The following RYR2 variants were observed in gnomAD, a reference collection of about 807,000 sequenced individuals.
RYR2 encodes ryanodine receptor 2.
A neutral mutation model predicts 601.1 loss-of-function variants in RYR2; 227 were observed. The ratio of observed to expected loss-of-function variants is 0.38; its 90% confidence interval spans 0.34 to 0.42. RYR2 has a LOEUF of 0.42. RYR2 is among the 10% of genes least tolerant of loss of function. RYR2 has a pLI of 1.00. For synonymous variants in RYR2, 2,223 were observed against 2,175.1 expected (o/e 1.02, Z -0.61); for missense variants, 4,646 against 6,156.5 (o/e 0.75, Z 8.21).
intron 27 of RYR2, among the ~76,000 whole-genome samples, chr1:237,551,871 G>A (rs1371559190): frequency 1.1e-4 from 17 of 151,942 alleles, no homozygotes; most frequent in Admixed American, 7.9e-4. Flanking sequence ...CTTGTATTAC[G>A]CTCATTTTAC....
At chr1:237,154,745 A>G (rs867947706) in intron 1 of RYR2, among the ~76,000 whole-genome samples, 5 of 152,340 alleles carry the variant, frequency 3.3e-5, no homozygotes, top group Middle Eastern at 3.4e-3. Flanking sequence ...AGACTTCATT[A>G]TATATAATAT....
At chr1:237,197,126 C>G (rs577927191) in intron 1 of RYR2, among the ~76,000 whole-genome samples, 15 of 152,026 alleles carry the variant, frequency 9.9e-5, no homozygotes, top group Non-Finnish European at 2.1e-4. Flanking sequence ...ATTTAGCTAC[C>G]TTGCTGAATT....
intron 10 of RYR2, among the ~76,000 whole-genome samples, chr1:237,407,122 A>G (rs1015351880): frequency 9.2e-5 from 14 of 152,180 alleles, no homozygotes; most frequent in Non-Finnish European, 1.8e-4. Context: ...TCACTTAGCA[A>G]TCTGCATATA....
chr1:237,444,573 G>C (rs1708170252), intron 13 of RYR2, among the ~76,000 whole-genome samples: 1 of 152,132 alleles, frequency 6.6e-6, no homozygotes, highest in Non-Finnish European at 1.5e-5. Context: ...CTTATATATA[G>C]TACACAACTG....
chr1:237,355,041 G>A (rs761636751), intron 3 of RYR2, among the ~76,000 whole-genome samples: 4 of 152,080 alleles, frequency 2.6e-5, no homozygotes, highest in African/African-American at 9.7e-5. Flanking sequence ...GAGCATTGGA[G>A]ATTCCTAGCT....
chr1:237,316,377 C>T (rs1257919861), intron 2 of RYR2, among the ~76,000 whole-genome samples: 1 of 152,138 alleles, frequency 6.6e-6, no homozygotes, highest in Non-Finnish European at 1.5e-5. Context: ...TGTTACGATA[C>T]AGAAAACTCA....
chr1:237,703,620 A>C (rs890240001), intron 66 of RYR2, among the ~76,000 whole-genome samples: 6 of 148,124 alleles, frequency 4.1e-5, no homozygotes, highest in Admixed American at 1.4e-4. Context: ...TATATATATA[A>C]AATATATAAA....
Position 237,723,163 on chromosome 1 carries a change from T to C in RYR2, c.10590T>C (p.Leu3530=). 6.2e-7 allele frequency: 1 copy of C among 1,612,464 alleles called. No individual in the cohort carries two copies. ...EDPAIRWQMA[L]YKDLPNRTDD... is the part of the protein sequence containing the mutation. Reference sequence around the variant, plus strand: ...CTGCTATTAGATGGCAAATGGCTCTTTACAAAGACTTACCAAACAGGACTG... The same window carrying C: ...CTGCTATTAGATGGCAAATGGCTCTCTACAAAGACTTACCAAACAGGACTG... The change falls in exon 74 of 105, where the codon CTT becomes CTC. Residue 3530 remains leucine (L), a synonymous_variant. Transcript: ENST00000366574.
In RYR2 at chr1:237,066,353, AAT is replaced by A. The variant is rs1324225099; in HGVS notation, c.48+23787_48+23788del. On this transcript the variant is annotated intron_variant, in intron 1 of 104. Transcript: ENST00000366574. ...TGTTTCTTTGGGATAAATGCCCAGG[AAT>A]ATGTTTTGTTGGTTGTAAGTTATGT... Among the ~76,000 whole-genome samples, 4 of 152,204 alleles carry A rather than the reference AAT, an allele frequency of 2.6e-5. No individual in the cohort carries two copies. In the East Asian group the frequency reaches 7.7e-4, roughly 29 times the overall value.
In RYR2 at chr1:237,730,289, G is replaced by T. The variant is rs1315764018; in HGVS notation, c.10868G>T (p.Gly3623Val). The T allele has an allele frequency of 6.2e-7, 1 of 1,607,496 alleles. No homozygotes were observed. ...RHRAVNLFLQ[G>V]YEKSWIETEE... ...CGGGCTGTCAATCTCTTTCTTCAGG[G>T]ATATGAAAAGTCTTGGATTGAAACA... Residue 3623 changes from glycine to valine, a missense_variant, in exon 77 of 105, where the codon GGA becomes GTA. Transcript: ENST00000366574.
chr1:237,304,943 T>C (rs1693727860), intron 2 of RYR2, among the ~76,000 whole-genome samples: 1 of 152,178 alleles, frequency 6.6e-6, no homozygotes, highest in African/African-American at 2.4e-5. Flanking sequence ...CAGATGATCA[T>C]TTATAATATG....
At chr1:237,503,194 C>A in intron 21 of RYR2, 95 bp from the exon 22 acceptor site, 1 of 1,129,832 alleles carries the variant, frequency 8.9e-7, no homozygotes, top group Non-Finnish European at 1.3e-6. Flanking sequence ...TGATAAAATA[C>A]TTTTGTACTA....
At chr1:237,397,099 C>T (rs12734448) in intron 10 of RYR2, among the ~76,000 whole-genome samples, 123,166 of 151,986 alleles carry the variant, frequency 0.81, 50,570 homozygotes, top group East Asian at 0.99. Flanking sequence ...ACCCTGTCTC[C>T]ATTAAAAAAT....
rs1392074549 is a variant in RYR2, at chr1:237,819,008, A to C, written c.14434-28A>C. On this transcript the variant is annotated intron_variant, in intron 100 of 104. Coordinates refer to ENST00000366574, the MANE Select transcript of RYR2 (RefSeq NM_001035.3). This position sits in a 1 kb window ranked among gnomAD's most constrained non-coding sequence, Gnocchi z 4.0. ...AAAAAAAAATGGGTAATGTCCCTCCAAGAAGTGATACCATGTCTTTTTTCC... is the reference window on the plus strand; with the variant it reads ...AAAAAAAAATGGGTAATGTCCCTCCCAGAAGTGATACCATGTCTTTTTTCC... 6.3e-7 allele frequency: 1 copy of C among 1,594,936 alleles called. No individual in the cohort carries two copies. Among genetic ancestry groups the C allele is most frequent in the Non-Finnish European group, 8.6e-7 (1 of 1,166,306 alleles).
chr1:237,540,900 C>CATGTGTGTGTGTATATATATATATATAT (rs1304083817), intron 25 of RYR2, among the ~76,000 whole-genome samples: 2 of 131,182 alleles, frequency 1.5e-5, no homozygotes, highest in Non-Finnish European at 3.4e-5. Flanking sequence ...ATGGTTGATG[C>CATGTGTGTGTGTATATATATATATATAT]ATGTGTGTGT....
intron 1 of RYR2, among the ~76,000 whole-genome samples, chr1:237,184,947 G>A (rs1354144080): frequency 2.0e-5 from 3 of 150,946 alleles, no homozygotes; most frequent in Non-Finnish European, 4.4e-5. Flanking sequence ...ACAGCTCACA[G>A]CAGCCTCAAA....
chr1:237,417,021 T>C, intron 10 of RYR2, 28 bp from the exon 11 acceptor site: 1 of 1,603,772 alleles, frequency 6.2e-7, no homozygotes, highest in Non-Finnish European at 8.5e-7. Flanking sequence ...TAACTCACAT[T>C]TGGGCTTTTG....
intron 1 of RYR2, among the ~76,000 whole-genome samples, chr1:237,166,072 T>G (rs1412628395): frequency 1.3e-5 from 2 of 152,166 alleles, no homozygotes; most frequent in East Asian, 3.9e-4. Flanking sequence ...AAGATGATCT[T>G]AATGACCCAC....
intron 17 of RYR2, among the ~76,000 whole-genome samples, chr1:237,483,575 T>C (rs191444775): frequency 2.5e-3 from 386 of 152,306 alleles, no homozygotes; most frequent in African/African-American, 8.8e-3. Flanking sequence ...ACTATGATAT[T>C]TCCCCATTAA....
Sources: gnomAD v4.1 joint callset for allele counts (sites outside exome capture counted in the v4.1 genomes callset) on GRCh38, gnomAD v4.1.1 for gene constraint, Gnocchi (gnomAD v3.1) non-coding constraint, MANE v1.5 for transcripts, NCBI Gene and HGNC (gene_info 2026-07-23, HGNC 2026-07-21) for gene names.